PRKAG2: variants seen among roughly 807,000 people sequenced by gnomAD.
PRKAG2 encodes the protein 5'-AMP-activated protein kinase subunit gamma-2.
Under a neutral mutation model 69.6 loss-of-function variants are expected in PRKAG2, and 26 were observed. That is an observed-to-expected ratio of 0.37 (90% CI 0.27 to 0.52). The LOEUF is 0.52. PRKAG2 is among the 20% of genes least tolerant of loss of function. The pLI, the probability that PRKAG2 is intolerant of heterozygous loss-of-function variation, is 0.90. For missense variants in PRKAG2, 557 were observed against 740.0 expected (o/e 0.75, Z 2.87); for synonymous variants, 293 against 285.0 (o/e 1.03, Z -0.28).
At chr7:151,688,410 C>T (rs1401476148) in intron 3 of PRKAG2, among the ~76,000 whole-genome samples, 4 of 152,238 alleles carry the variant, frequency 2.6e-5, no homozygotes, top group Non-Finnish European at 5.9e-5. Flanking sequence ...ACGGCTATCG[C>T]TATGATGTAA....
chr7:151,578,505 C>T (rs1809534376), intron 6 of PRKAG2, among the ~76,000 whole-genome samples: 1 of 152,198 alleles, frequency 6.6e-6, no homozygotes, highest in South Asian at 2.1e-4. Context: ...TGGAACTGCT[C>T]ATGCATGTAC....
intron 1 of PRKAG2, among the ~76,000 whole-genome samples, chr7:151,792,536 C>T (rs548852037): frequency 2.0e-5 from 3 of 152,326 alleles, no homozygotes; most frequent in Non-Finnish European, 4.4e-5. Context: ...AAGTGTATAT[C>T]GATCAGATGC....
chr7:151,565,324 T>C (rs1435020303), intron 13 of PRKAG2, 22 bp downstream of exon 13: 3 of 1,369,982 alleles, frequency 2.2e-6, no homozygotes, highest in Non-Finnish European at 3.0e-6. Flanking sequence ...GGTGACAGAT[T>C]GAACAAAATT....
intron 6 of PRKAG2, among the ~76,000 whole-genome samples, chr7:151,594,126 A>G (rs550070232): frequency 4.6e-5 from 7 of 152,070 alleles, no homozygotes; most frequent in African/African-American, 1.7e-4. Context: ...GGGTGGATAC[A>G]CTCCAGGGCA....
intron 4 of PRKAG2, among the ~76,000 whole-genome samples, chr7:151,668,271 G>A (rs574955816): frequency 6.6e-6 from 1 of 152,278 alleles, no homozygotes; most frequent in South Asian, 2.1e-4. Context: ...AGAGGCATGA[G>A]GCCTTCATCA....
At chr7:151,855,631 C>T (rs1249617249) in intron 1 of PRKAG2, among the ~76,000 whole-genome samples, 1 of 152,132 alleles carries the variant, frequency 6.6e-6, no homozygotes, top group Non-Finnish European at 1.5e-5. Flanking sequence ...ACACTCCACA[C>T]ACCACCTTCC....
At chr7:151,861,527 CCAAAAAAAAAA>C (rs904878876) in intron 1 of PRKAG2, among the ~76,000 whole-genome samples, 3 of 60,396 alleles carry the variant, frequency 5.0e-5, no homozygotes, top group Non-Finnish European at 9.9e-5. Context: ...GACTCTGTCT[CCAAAAAAAAAA>C]AAAAAAAAAA....
chr7:151,781,499 G>A lies in PRKAG2; in HGVS notation c.187-68C>T. ...GGACACGCTGCCTCCTGCCCTGTAT[G>A]AAACTTATCATTGTCCTCTCTCACA... On this transcript the variant is annotated intron_variant, in intron 2 of 15. Transcript: ENST00000287878. This position sits in a 1 kb window ranked among gnomAD's most constrained non-coding sequence, Gnocchi z 6.1. The A allele has an allele frequency of 6.5e-7, 1 of 1,526,786 alleles. No homozygotes were observed. The highest frequency in any genetic ancestry group is 8.8e-7 in the Non-Finnish European group (1 of 1,132,096). The allele number at this position is 1,526,786 out of a possible 1,614,324, so 94.6% of individuals were successfully genotyped here.
chr7:151,592,075 A>G (rs1813307991), intron 6 of PRKAG2, among the ~76,000 whole-genome samples: 1 of 152,052 alleles, frequency 6.6e-6, no homozygotes, highest in Non-Finnish European at 1.5e-5. Context: ...TGTGAAGTAC[A>G]TGGACACTGC....
At chr7:151,673,176 C>A (rs1174617221) in intron 4 of PRKAG2, among the ~76,000 whole-genome samples, 2 of 152,194 alleles carry the variant, frequency 1.3e-5, no homozygotes, top group Non-Finnish European at 2.9e-5. Context: ...CGTGGAAGAG[C>A]CCTGCGTCTG....
chr7:151,828,739 A>G lies in PRKAG2; in HGVS notation c.115-42198T>C, dbSNP rs902887031. Among the ~76,000 whole-genome samples, 3 of 151,334 alleles carry G rather than the reference A, an allele frequency of 2.0e-5. No individual in the cohort carries two copies. Among genetic ancestry groups the G allele is most frequent in the African/African-American group, 7.3e-5 (3 of 41,088 alleles). On this transcript the variant is annotated intron_variant, in intron 1 of 15. Transcript: ENST00000287878. The surrounding 1 kb of genome is among the most constrained non-coding windows in gnomAD (Gnocchi z 4.6). ...AGTTTGAGACCAGACTGGACAACACAGCGAGACCCTGTCTTTACAAAAAAA... is the reference window on the plus strand; with the variant it reads ...AGTTTGAGACCAGACTGGACAACACGGCGAGACCCTGTCTTTACAAAAAAA...
intron 3 of PRKAG2, among the ~76,000 whole-genome samples, chr7:151,737,978 C>G (rs879757060): frequency 3.5e-5 from 3 of 84,802 alleles, no homozygotes; most frequent in Non-Finnish European, 4.5e-5. Flanking sequence ...ATGCCCAGAT[C>G]TGCCACTCCC....
intron 1 of PRKAG2, among the ~76,000 whole-genome samples, chr7:151,815,560 C>T (rs1197184120): frequency 1.3e-5 from 2 of 152,180 alleles, no homozygotes; most frequent in Non-Finnish European, 2.9e-5. Flanking sequence ...AGTCTCTTGC[C>T]TGCATCTCCC....
At position 151,564,210 on chromosome 7, in the gene PRKAG2, C is replaced by T. The variant is rs768299371; in HGVS notation, c.1452G>A (p.Glu484=). 1.6e-4 allele frequency: 253 copies of T among 1,614,010 alleles called. No homozygotes were observed. The highest frequency in any genetic ancestry group is 1.2e-4 in the Non-Finnish European group (145 of 1,180,000). Residue 484 remains glutamate (E), a synonymous_variant, in exon 14 of 16, where the codon GAG becomes GAA. Coordinates refer to ENST00000287878, the MANE Select transcript of PRKAG2 (RefSeq NM_016203.4). ...TGATATCTAGGTTATTGTATGTTTT[C>T]TCAGCAGCAAGATTCTGTAATGAAG... ...SKFDVINLAA[E]KTYNNLDITV... is the part of the protein sequence containing the mutation.
At chr7:151,696,804 G>A (rs1836758332) in intron 3 of PRKAG2, among the ~76,000 whole-genome samples, 1 of 152,196 alleles carries the variant, frequency 6.6e-6, no homozygotes, top group Non-Finnish European at 1.5e-5. Context: ...CAGCTGAAGG[G>A]AAAAAGAGCT....
chr7:151,776,008 C>T (rs1170089006), intron 3 of PRKAG2, among the ~76,000 whole-genome samples: 3 of 152,222 alleles, frequency 2.0e-5, no homozygotes, highest in Admixed American at 6.5e-5. Context: ...CACAAATGAA[C>T]GGCCATCTGG....
intron 1 of PRKAG2, among the ~76,000 whole-genome samples, chr7:151,804,694 T>A (rs1235832328): frequency 1.3e-5 from 2 of 152,232 alleles, no homozygotes; most frequent in Non-Finnish European, 2.9e-5. Context: ...AGACGTGGCA[T>A]CTGTGTAACC....
chr7:151,592,983 C>T (rs1813596820), intron 6 of PRKAG2, among the ~76,000 whole-genome samples: 1 of 152,206 alleles, frequency 6.6e-6, no homozygotes, highest in Admixed American at 6.5e-5. Context: ...CTTAGAGGCT[C>T]ACAGGATAAA....
At chr7:151,594,852 G>A (rs1286592025) in intron 6 of PRKAG2, among the ~76,000 whole-genome samples, 2 of 151,982 alleles carry the variant, frequency 1.3e-5, no homozygotes, top group African/African-American at 4.8e-5. Flanking sequence ...AAGCTGGAGT[G>A]CAGTGGCACA....
Sources: allele counts gnomAD v4.1 joint callset (sites outside exome capture counted in the v4.1 genomes callset), GRCh38; gene constraint gnomAD v4.1.1; non-coding constraint Gnocchi (gnomAD v3.1); transcripts MANE v1.5; gene names NCBI Gene and HGNC (gene_info 2026-07-23, HGNC 2026-07-21).